The following USP10 variants were observed in gnomAD, a reference collection of about 807,000 sequenced individuals.
USP10 encodes ubiquitin carboxyl-terminal hydrolase 10.
Under a neutral mutation model 84.5 loss-of-function variants are expected in USP10, and 22 were observed. That is an observed-to-expected ratio of 0.26 (90% CI 0.19 to 0.37). The LOEUF is 0.37. Ranked by LOEUF, USP10 falls within the 10% of genes least tolerant of loss-of-function variation. The pLI is 1.00. For synonymous variants in USP10, 454 were observed against 387.6 expected (o/e 1.17, Z -2.01); for missense variants, 1,019 against 998.9 (o/e 1.02, Z -0.27).
chr16:84,766,633 A>G (rs1188646246), intron 10 of USP10, among the ~76,000 whole-genome samples: 1 of 152,214 alleles, frequency 6.6e-6, no homozygotes, highest in Non-Finnish European at 1.5e-5. Flanking sequence ...GAGGGTCAGC[A>G]TACTCAAAGA....
rs780056292 is a variant in USP10, at chr16:84,744,975, A to T, written c.494A>T (p.Asp165Val). ...RPPGYYSYLKDGGDDSISTEA... is the reference protein window; with the variant it reads ...RPPGYYSYLKVGGDDSISTEA... Reference sequence around the variant, plus strand: ...CCTGGATATTACAGCTATTTGAAAGATGGTGGCGATGATAGTATCTCCACA... The same window carrying T: ...CCTGGATATTACAGCTATTTGAAAGTTGGTGGCGATGATAGTATCTCCACA... The change falls in exon 4 of 14, where the codon GAT becomes GTT. Residue 165 changes from aspartate (D) to valine (V), a missense_variant. Asp to Val is a radical substitution (Grantham distance 152, BLOSUM62 -3). Transcript: ENST00000219473. The T allele has an allele frequency of 5.0e-6, 8 of 1,613,858 alleles. No homozygotes were observed. The highest frequency in any genetic ancestry group is 5.1e-6 in the Non-Finnish European group (6 of 1,179,734).
At chr16:84,740,634 G>A (rs1239909487) in intron 3 of USP10, among the ~76,000 whole-genome samples, 1 of 152,228 alleles carries the variant, frequency 6.6e-6, no homozygotes, top group East Asian at 1.9e-4. Context: ...ACAGTTCTGA[G>A]TGCAACAGGT....
At chr16:84,705,330 C>A (rs1597259569) in intron 1 of USP10, among the ~76,000 whole-genome samples, 1 of 151,908 alleles carries the variant, frequency 6.6e-6, no homozygotes, top group Non-Finnish European at 1.5e-5. Context: ...CTCCCGGGTT[C>A]AAGTGATTCT....
chr16:84,712,908 C>T (rs898633768), intron 1 of USP10, among the ~76,000 whole-genome samples: 3 of 152,192 alleles, frequency 2.0e-5, no homozygotes, highest in African/African-American at 7.2e-5. Context: ...AATGCCTTCA[C>T]CAGAGTTACC....
In USP10 at chr16:84,779,299, T is replaced by G. The variant is rs1435289493; in HGVS notation, c.*217T>G. ...AAATCATTTGGTTGAAACAGACTGT[T>G]GCTTGATTTTAGAAAATACACAAAA... is the stretch of plus-strand genomic sequence containing the variant. On this transcript the variant is annotated 3_prime_UTR_variant, in exon 14 of 14. Transcript: ENST00000219473. The G allele has an allele frequency of 2.2e-6, 1 of 451,082 alleles. No homozygotes were observed. Among genetic ancestry groups the G allele is most frequent in the East Asian group, 3.8e-5 (1 of 26,630 alleles). The allele number at this position is 451,082 out of a possible 1,614,324, so 27.9% of individuals were successfully genotyped here.
chr16:84,700,005 T>G lies in USP10; in HGVS notation c.-86T>G. 8.9e-6 allele frequency: 11 copies of G among 1,241,232 alleles called. No individual in the cohort carries two copies. The highest frequency in any genetic ancestry group is 2.9e-5 in the South Asian group (2 of 68,338). The allele number at this position is 1,241,232 out of a possible 1,614,324, so 76.9% of individuals were successfully genotyped here. The stretch of plus-strand genomic sequence containing the variant: ...GCAGGCGCGGCGGCCGATGCGAGTG[T>G]GTATGTGCGGGCGAGAAGATGGCGG... On this transcript the variant is annotated 5_prime_UTR_variant, in exon 1 of 14. Transcript: ENST00000219473.
intron 1 of USP10, among the ~76,000 whole-genome samples, chr16:84,724,533 C>G (rs1457885837): frequency 6.6e-6 from 1 of 152,158 alleles, no homozygotes; most frequent in Non-Finnish European, 1.5e-5. Flanking sequence ...GATAGTTTGT[C>G]TACTTTGTTC....
At position 84,757,402 on chromosome 16, in the gene USP10, G is replaced by GTGTGTGT. The variant is rs1555546471; in HGVS notation, c.1193-1314_1193-1313insTGTGTGT. Among the ~76,000 whole-genome samples the GTGTGTGT allele has an allele frequency of 7.0e-3, 576 of 82,818 alleles. 11 individuals are homozygous for GTGTGTGT. Among genetic ancestry groups the GTGTGTGT allele is most frequent in the South Asian group, 0.035 (124 of 3,520 alleles). 54.3% of individuals were successfully genotyped at this position (82,818 alleles called of 152,430 possible). A position where few individuals can be genotyped will look rare whatever the true frequency, so the allele number is the denominator to read the frequency against. On this transcript the variant is annotated intron_variant, in intron 4 of 13. Transcript: ENST00000219473. ...GGAAGGAGGGAATGAGAGGGGTGGG[G>GTGTGTGT]GTGTGTGTGTGTGTGTGTGTGTGTG...
At chr16:84,762,954 G>C (rs780917105) in intron 8 of USP10, 35 bp from the exon 9 acceptor site, 1 of 1,440,430 alleles carries the variant, frequency 6.9e-7, no homozygotes, top group Non-Finnish European at 9.7e-7. Context: ...ACAGTGATCA[G>C]TTCACAGTAA....
At chr16:84,736,340 T>A (rs1909936610) in intron 2 of USP10, among the ~76,000 whole-genome samples, 1 of 152,248 alleles carries the variant, frequency 6.6e-6, no homozygotes, top group African/African-American at 2.4e-5. Flanking sequence ...GAAAGAGCAT[T>A]CTGCCTTCCT....
intron 1 of USP10, among the ~76,000 whole-genome samples, chr16:84,705,807 C>T (rs533778691): frequency 1.3e-5 from 2 of 148,320 alleles, no homozygotes; most frequent in Admixed American, 6.8e-5. Flanking sequence ...GCAGCCTCTA[C>T]CTCCCAGATT....
intron 1 of USP10, among the ~76,000 whole-genome samples, chr16:84,731,084 A>G (rs1380218241): frequency 6.9e-6 from 1 of 144,350 alleles, no homozygotes; most frequent in Non-Finnish European, 1.5e-5. Flanking sequence ...GGTTCAAGCG[A>G]TTCTCCTGCA....
intron 8 of USP10, among the ~76,000 whole-genome samples, chr16:84,761,011 G>T (rs1442855582): frequency 3.3e-5 from 5 of 152,212 alleles, no homozygotes; most frequent in Non-Finnish European, 7.3e-5. Flanking sequence ...GGGCATCGTT[G>T]CAGGATACCA....
chr16:84,740,275 T>A, intron 2 of USP10, 34 bp from the exon 3 acceptor site: 7 of 1,594,272 alleles, frequency 4.4e-6, no homozygotes, highest in Non-Finnish European at 6.0e-6. Context: ...AACATTTTGT[T>A]GAATTAAAAT....
chr16:84,729,485 T>G (rs1183140800), intron 1 of USP10, among the ~76,000 whole-genome samples: 1 of 152,202 alleles, frequency 6.6e-6, no homozygotes, highest in East Asian at 1.9e-4. Flanking sequence ...TATATTTGTA[T>G]TGACACATAG....
intron 1 of USP10, among the ~76,000 whole-genome samples, chr16:84,730,068 C>A (rs1909008398): frequency 6.6e-6 from 1 of 151,516 alleles, no homozygotes; most frequent in African/African-American, 2.4e-5. Context: ...GTATGTAGTC[C>A]CCTCCCAAGA....
At chr16:84,760,529 G>C (rs1468163510) in intron 8 of USP10, among the ~76,000 whole-genome samples, 1 of 152,224 alleles carries the variant, frequency 6.6e-6, no homozygotes, top group Admixed American at 6.5e-5. Flanking sequence ...TGAAGCCACT[G>C]TCTGAGGTCA....
At chr16:84,738,491 C>G (rs780190266) in intron 2 of USP10, among the ~76,000 whole-genome samples, 6 of 152,194 alleles carry the variant, frequency 3.9e-5, no homozygotes, top group Non-Finnish European at 5.9e-5. Flanking sequence ...CACATGGCCG[C>G]TGTGTCCACT....
At position 84,778,876 on chromosome 16, in the gene USP10, C is replaced by T; in HGVS notation, c.2210-19C>T. On this transcript the variant is annotated intron_variant, in intron 13 of 13. Coordinates refer to ENST00000219473, the MANE Select transcript of USP10 (RefSeq NM_005153.3). The stretch of plus-strand genomic sequence containing the variant: ...TGCAGTGCTGTTCTCACTCTGCTGC[C>T]TGCTGGGCTCTCTTCCAGTGGTCTA... 6.2e-7 allele frequency: 1 copy of T among 1,608,154 alleles called. No homozygotes were observed. Among genetic ancestry groups the T allele is most frequent in the Non-Finnish European group, 8.5e-7 (1 of 1,176,576 alleles).
Sources: gnomAD v4.1 joint callset for allele counts (sites outside exome capture counted in the v4.1 genomes callset) on GRCh38, gnomAD v4.1.1 for gene constraint, MANE v1.5 for transcripts, NCBI Gene and HGNC (gene_info 2026-07-23, HGNC 2026-07-21) for gene names.